Variants in CACNG4 observed in about 807,000 individuals in gnomAD.
CACNG4 encodes voltage-dependent calcium channel gamma-4 subunit.
In CACNG4, 8 loss-of-function variants were observed where a neutral mutation model predicts 22.9. That is an observed-to-expected ratio of 0.35 (90% confidence interval 0.21 to 0.63). The LOEUF is 0.63. CACNG4 is among the 30% of genes least tolerant of loss of function. The probability of loss-of-function intolerance (pLI) is 0.72; values close to 1 mark genes in which losing one functional copy is unlikely to be tolerated. For missense variants in CACNG4, 357 were observed against 455.4 expected (o/e 0.78, Z 1.97); for synonymous variants, 188 against 191.9 (o/e 0.98, Z 0.17).
chr17:67,023,206 C>A (rs138586797), intron 2 of CACNG4, among the ~76,000 whole-genome samples: 2 of 151,782 alleles, frequency 1.3e-5, no homozygotes, highest in African/African-American at 4.8e-5. Context: ...CTAGGGCCCA[C>A]CGGATTCATC....
intron 1 of CACNG4, among the ~76,000 whole-genome samples, chr17:67,013,252 C>T (rs1445355708): frequency 6.6e-6 from 1 of 152,172 alleles, no homozygotes; most frequent in Non-Finnish European, 1.5e-5. Flanking sequence ...AGGGTTCACA[C>T]CTCGCTTCCC....
intron 2 of CACNG4, among the ~76,000 whole-genome samples, chr17:67,022,308 C>T (rs1567759178): frequency 6.6e-6 from 1 of 152,138 alleles, no homozygotes; most frequent in Admixed American, 6.5e-5. Context: ...CTCCTGACCT[C>T]AAGTGATCCA....
chr17:67,018,288 C>T lies in CACNG4; in HGVS notation c.304+16C>T, dbSNP rs753114643. On this transcript the variant is annotated intron_variant, in intron 2 of 3. Coordinates refer to ENST00000262138, the MANE Select transcript of CACNG4 (RefSeq NM_014405.4). ...TACCTCCTCCGTGAGTGTCAGGAGG[C>T]CTGGACTCTCTTTCTGTGGGGAGGC... The T allele has an allele frequency of 4.4e-6, 7 of 1,599,838 alleles. No individual in the cohort carries two copies. In the South Asian group the frequency reaches 7.7e-5, roughly 18 times the overall value.
At chr17:67,006,312 C>CT (rs2035437655) in intron 1 of CACNG4, among the ~76,000 whole-genome samples, 7 of 152,176 alleles carry the variant, frequency 4.6e-5, no homozygotes, top group Admixed American at 3.3e-4. Context: ...GGGTCTAGAG[C>CT]TCCGGGCATG....
chr17:66,969,224 A>G (rs1158155469), intron 1 of CACNG4, among the ~76,000 whole-genome samples: 1 of 152,196 alleles, frequency 6.6e-6, no homozygotes, highest in East Asian at 1.9e-4. Flanking sequence ...CTTGTGCCAC[A>G]TGCCAAAGCC....
intron 1 of CACNG4, among the ~76,000 whole-genome samples, chr17:66,990,802 T>C (rs1294584367): frequency 6.6e-6 from 1 of 152,074 alleles, no homozygotes; most frequent in African/African-American, 2.4e-5. Context: ...TGCCTCAGCC[T>C]CCTGAGTAGC....
chr17:67,014,177 C>G (rs1252293148), intron 1 of CACNG4, among the ~76,000 whole-genome samples: 1 of 152,200 alleles, frequency 6.6e-6, no homozygotes, highest in East Asian at 1.9e-4. Context: ...CAGGATCTCA[C>G]AATTAGCCAC....
intron 2 of CACNG4, chr17:67,020,367 T>C (rs1303682589): frequency 6.6e-6 from 1 of 152,276 alleles, no homozygotes; most frequent in Admixed American, 6.5e-5. Context: ...TTCCCAGATA[T>C]AATGATGGTG....
At chr17:66,985,127 G>T (rs1007965469) in intron 1 of CACNG4, among the ~76,000 whole-genome samples, 6 of 152,084 alleles carry the variant, frequency 3.9e-5, no homozygotes, top group African/African-American at 7.2e-5. Flanking sequence ...ACCCTGCTCT[G>T]GGGGGCTCCC....
intron 3 of CACNG4, among the ~76,000 whole-genome samples, chr17:67,026,131 A>T (rs1464346181): frequency 7.3e-6 from 1 of 136,412 alleles, no homozygotes; most frequent in Admixed American, 7.2e-5. Context: ...GTATTTGAGG[A>T]CTGTGGTGTG....
intron 1 of CACNG4, among the ~76,000 whole-genome samples, chr17:66,986,054 A>G (rs979339829): frequency 3.9e-5 from 6 of 152,210 alleles, no homozygotes; most frequent in African/African-American, 1.4e-4. Flanking sequence ...AGTGCCTACC[A>G]GGGGCCCCCG....
At chr17:66,971,442 A>G (rs1319434810) in intron 1 of CACNG4, among the ~76,000 whole-genome samples, 1 of 152,158 alleles carries the variant, frequency 6.6e-6, no homozygotes, top group Non-Finnish European at 1.5e-5. Context: ...AGGCTCACTG[A>G]ACACCTGGTC....
chr17:67,026,040 C>T (rs2035562716), intron 3 of CACNG4, among the ~76,000 whole-genome samples: 1 of 151,642 alleles, frequency 6.6e-6, no homozygotes, highest in Non-Finnish European at 1.5e-5. Flanking sequence ...TGTTTGAGAA[C>T]TGTGATTGTG....
At chr17:66,986,580 C>A (rs1311420483) in intron 1 of CACNG4, among the ~76,000 whole-genome samples, 3 of 152,122 alleles carry the variant, frequency 2.0e-5, no homozygotes, top group African/African-American at 7.2e-5. Flanking sequence ...ATGAGTGAGG[C>A]GGATAAGTCC....
Position 66,964,710 on chromosome 17 carries a change from C to A in CACNG4, c.-202C>A, listed in dbSNP as rs1251668082. 1.4e-5 allele frequency among the ~76,000 whole-genome samples: 2 copies of A among 145,668 alleles called. No homozygotes were observed. The highest frequency in any genetic ancestry group is 4.9e-5 in the African/African-American group (2 of 40,756). The stretch of plus-strand genomic sequence containing the variant: ...GCCCGGCGGCCGCGCAGCCCGCACT[C>A]GTCGCCGCGCCTCGGAGTTTGAGCC... On this transcript the variant is annotated 5_prime_UTR_variant, in exon 1 of 4. Transcript: ENST00000262138.
chr17:66,985,739 G>A (rs570392446), intron 1 of CACNG4, among the ~76,000 whole-genome samples: 15 of 152,320 alleles, frequency 9.8e-5, no homozygotes, highest in South Asian at 4.1e-4. Context: ...AGAAATCAGC[G>A]TCCAGTGGGA....
intron 1 of CACNG4, among the ~76,000 whole-genome samples, chr17:66,997,959 G>C (rs544143221): frequency 6.6e-6 from 1 of 152,296 alleles, no homozygotes; most frequent in South Asian, 2.1e-4. Flanking sequence ...AGAGAGACTG[G>C]AAAGGACCAG....
intron 1 of CACNG4, among the ~76,000 whole-genome samples, chr17:67,002,207 A>G (rs1048413622): frequency 8.5e-5 from 13 of 152,242 alleles, no homozygotes; most frequent in African/African-American, 3.1e-4. Flanking sequence ...ACATGGCAGC[A>G]GGCAAGAGAG....
intron 1 of CACNG4, among the ~76,000 whole-genome samples, chr17:66,998,835 C>T (rs1403621540): frequency 6.6e-6 from 1 of 152,232 alleles, no homozygotes; most frequent in Non-Finnish European, 1.5e-5. Flanking sequence ...AACAGACACA[C>T]CAGTTAACTG....
Sources: gnomAD v4.1 joint callset for allele counts (sites outside exome capture counted in the v4.1 genomes callset) on GRCh38, gnomAD v4.1.1 for gene constraint, MANE v1.5 for transcripts, NCBI Gene and HGNC (gene_info 2026-07-23, HGNC 2026-07-21) for gene names.